The following PPP2R3B variants were observed in gnomAD, a reference collection of about 807,000 sequenced individuals.
The protein encoded by PPP2R3B is serine/threonine-protein phosphatase 2A regulatory subunit B'' subunit beta.
PPP2R3B carries 68 observed loss-of-function variants against 72.9 expected under a neutral mutation model. The ratio of observed to expected loss-of-function variants is 0.93; its 90% CI spans 0.77 to 1.14. The LOEUF is 1.14. Ranked by LOEUF, PPP2R3B falls within the 50% of genes most tolerant of loss-of-function variation. PPP2R3B has a pLI of 0.00. For missense variants in PPP2R3B, 1,018 were observed against 842.0 expected (o/e 1.21, Z -2.59); for synonymous variants, 466 against 375.8 (o/e 1.24, Z -2.78).
chrX:361,867 C>A (rs2071549235), intron 1 of PPP2R3B, among the ~76,000 whole-genome samples: 1 of 152,164 alleles, frequency 6.6e-6, no homozygotes, highest in South Asian at 2.1e-4. Flanking sequence ...GCCCTGGGGA[C>A]AAGGGCAGCT....
chrX:382,524 G>A (rs2072149787), intron 1 of PPP2R3B, among the ~76,000 whole-genome samples: 1 of 146,154 alleles, frequency 6.8e-6, no homozygotes, highest in South Asian at 2.1e-4. Context: ...CCTTGGTCCT[G>A]CCCCCTATAC....
chrX:362,970 A>C (rs373224988), intron 1 of PPP2R3B, among the ~76,000 whole-genome samples: 1 of 151,928 alleles, frequency 6.6e-6, no homozygotes, highest in African/African-American at 2.4e-5. Flanking sequence ...GGTCCCACTG[A>C]CAGCGCCTCA....
intron 1 of PPP2R3B, 49 bp from the exon 2 acceptor site, chrX:361,639 GCCTTCTTCAC>G: frequency 6.3e-7 from 1 of 1,599,396 alleles, no homozygotes; most frequent in Non-Finnish European, 8.5e-7. Flanking sequence ...AGCATCGAAC[GCCTTCTTCAC>G]CCGGACAACA....
chrX:385,816 C>T (rs28501469), intron 1 of PPP2R3B, among the ~76,000 whole-genome samples: 1 of 151,942 alleles, frequency 6.6e-6, no homozygotes, highest in Non-Finnish European at 1.5e-5. Flanking sequence ...CGCAGTGACT[C>T]ACGTCTGAAA....
intron 7 of PPP2R3B, among the ~76,000 whole-genome samples, chrX:344,066 C>CCAGCGGGAGGCGGGAGTGAGACCTCAG (rs2071137529): frequency 4.4e-5 from 4 of 90,230 alleles, no homozygotes; most frequent in Admixed American, 1.1e-4. Context: ...GGAGACGTCG[C>CCAGCGGGAGGCGGGAGTGAGACCTCAG]CAACGGGAGG....
intron 1 of PPP2R3B, among the ~76,000 whole-genome samples, chrX:367,697 G>A (rs1301172036): frequency 6.6e-6 from 1 of 152,248 alleles, no homozygotes; most frequent in Non-Finnish European, 1.5e-5. Flanking sequence ...TCACACGGAT[G>A]AGCAGGCAAC....
chrX:341,768 G>T, intron 8 of PPP2R3B, 115 bp downstream of exon 8: 1 of 1,146,530 alleles, frequency 8.7e-7, no homozygotes, highest in Non-Finnish European at 1.3e-6. Flanking sequence ...CAGGGCCTGG[G>T]GTGACAACCA....
chrX:340,484 C>A (rs1405324723), intron 10 of PPP2R3B, among the ~76,000 whole-genome samples: 5 of 117,550 alleles, frequency 4.3e-5, no homozygotes, highest in African/African-American at 1.3e-4. Flanking sequence ...CCTGGGCCGT[C>A]CCCCCTCCCG....
In PPP2R3B at chrX:371,645, C is replaced by T. The variant is rs144133249; in HGVS notation, c.325-10055G>A. 8.3e-3 allele frequency among the ~76,000 whole-genome samples: 1,266 copies of T among 152,186 alleles called. 15 individuals carry two copies. Among genetic ancestry groups the T allele is most frequent in the African/African-American group, 0.029 (1,198 of 41,514 alleles). On this transcript the variant is annotated intron_variant, in intron 1 of 12. Transcript: ENST00000390665. ...TGAAAACAGTACCGTGCTGCCCGGC[C>T]GGGAGCGTCCGAAGGCGGAGGTGCG...
chrX:369,692 G>T (rs2071813796), intron 1 of PPP2R3B, among the ~76,000 whole-genome samples: 1 of 152,232 alleles, frequency 6.6e-6, no homozygotes, highest in Non-Finnish European at 1.5e-5. Flanking sequence ...CGCACAGCAG[G>T]CAGGGCGCGG....
At chrX:347,367 TCA>T (rs2071243090) in intron 3 of PPP2R3B, 31 bp from the exon 4 acceptor site, 4 of 1,603,266 alleles carry the variant, frequency 2.5e-6, no homozygotes, top group Non-Finnish European at 3.4e-6. Context: ...GGCACCACCC[TCA>T]CAGGGGGGTG....
At chrX:373,403 C>A (rs2071910184) in intron 1 of PPP2R3B, 1 of 152,176 alleles carries the variant, frequency 6.6e-6, no homozygotes, top group Non-Finnish European at 1.5e-5. Context: ...CGTTTGGGCC[C>A]CGCCACGCAA....
chrX:334,780 G>T (rs1362682271), intron 12 of PPP2R3B: 2 of 409,614 alleles, frequency 4.9e-6, no homozygotes, highest in Non-Finnish European at 8.6e-6. Context: ...ACACACAGAG[G>T]ACCTGGGCGG....
chrX:353,601 T>G (rs1404205212), intron 2 of PPP2R3B, among the ~76,000 whole-genome samples: 1 of 152,266 alleles, frequency 6.6e-6, no homozygotes, highest in Non-Finnish European at 1.5e-5. Flanking sequence ...CCCCCGATGC[T>G]AAACCAGACC....
At chrX:347,425 C>T (rs1360420985) in intron 3 of PPP2R3B, 89 bp from the exon 4 acceptor site, 37 of 1,403,270 alleles carry the variant, frequency 2.6e-5, no homozygotes, top group Non-Finnish European at 3.7e-5. Context: ...TGTGGTGTTC[C>T]ACGTGGTGCG....
At chrX:355,189 A>G (rs1442863171) in intron 2 of PPP2R3B, among the ~76,000 whole-genome samples, 12 of 152,246 alleles carry the variant, frequency 7.9e-5, no homozygotes, top group Non-Finnish European at 1.6e-4. Flanking sequence ...AAGTCCACAT[A>G]TAAAACCTAA....
At chrX:366,688 ACT>A (rs1376929185) in intron 1 of PPP2R3B, among the ~76,000 whole-genome samples, 1 of 65,364 alleles carries the variant, frequency 1.5e-5, no homozygotes, top group Non-Finnish European at 2.9e-5. Flanking sequence ...ACAGAGTGAG[ACT>A]CTGTCTCAAA....
At chrX:374,788 C>G (rs1183760854) in intron 1 of PPP2R3B, among the ~76,000 whole-genome samples, 1 of 152,192 alleles carries the variant, frequency 6.6e-6, no homozygotes, top group Non-Finnish European at 1.5e-5. Context: ...GCACTGGGCT[C>G]TCCCGCTGCC....
chrX:383,744 A>G (rs1279081883), intron 1 of PPP2R3B, among the ~76,000 whole-genome samples: 2 of 142,908 alleles, frequency 1.4e-5, no homozygotes, highest in African/African-American at 2.5e-5. Flanking sequence ...AGGCTGAGGC[A>G]GGAGAATGGC....
Sources: allele counts gnomAD v4.1 joint callset (sites outside exome capture counted in the v4.1 genomes callset), GRCh38; gene constraint gnomAD v4.1.1; transcripts MANE v1.5; gene names NCBI Gene and HGNC (gene_info 2026-07-23, HGNC 2026-07-21).